QTMAN: variants seen among roughly 807,000 people sequenced by gnomAD.
QTMAN encodes the protein tRNA-queuosine alpha-mannosyltransferase.
the QTMAN span, among the ~76,000 whole-genome samples, chr2:144,008,008 T>C: frequency 6.6e-6 from 1 of 152,190 alleles, no homozygotes; most frequent in Non-Finnish European, 1.5e-5. Context: ...TTGTATTAAA[T>C]TGACTTGGCT....
chr2:144,003,988 G>A, the QTMAN span, among the ~76,000 whole-genome samples: 1 of 151,890 alleles, frequency 6.6e-6, no homozygotes, highest in African/African-American at 2.4e-5. Flanking sequence ...TGTTTTGTTA[G>A]GCAAGGTAAT....
At chr2:144,176,287 A>C in the QTMAN span, among the ~76,000 whole-genome samples, 1 of 152,192 alleles carries the variant, frequency 6.6e-6, no homozygotes, top group Non-Finnish European at 1.5e-5. Flanking sequence ...AAGGCATTTA[A>C]CCAAATGTAA....
At chr2:144,160,249 A>G in the QTMAN span, among the ~76,000 whole-genome samples, 1 of 152,176 alleles carries the variant, frequency 6.6e-6, no homozygotes, top group Non-Finnish European at 1.5e-5. Flanking sequence ...AACACTATTT[A>G]GTAAATCTTA....
At chr2:144,170,555 CT>C in the QTMAN span, among the ~76,000 whole-genome samples, 1 of 152,102 alleles carries the variant, frequency 6.6e-6, no homozygotes, top group Non-Finnish European at 1.5e-5. Flanking sequence ...CAAACCTTTA[CT>C]CCAAAGGGAG....
chr2:144,279,373 GA>G, the QTMAN span, among the ~76,000 whole-genome samples: 220 of 70,832 alleles, frequency 3.1e-3, 2 homozygotes, highest in Middle Eastern at 0.018. Flanking sequence ...CTCACCGCAA[GA>G]AAAAAAAAAA....
the QTMAN span, among the ~76,000 whole-genome samples, chr2:144,324,302 T>C: frequency 4.6e-5 from 7 of 152,226 alleles, no homozygotes; most frequent in Middle Eastern, 3.2e-3. Context: ...TTTTTACTAA[T>C]TTGATTACCT....
chr2:144,323,423 G>C, the QTMAN span, among the ~76,000 whole-genome samples: 1 of 152,150 alleles, frequency 6.6e-6, no homozygotes, highest in Non-Finnish European at 1.5e-5. Context: ...CAGCTGTGAA[G>C]AATACCATGA....
chr2:144,293,249 T>C, the QTMAN span, among the ~76,000 whole-genome samples: 4 of 152,134 alleles, frequency 2.6e-5, no homozygotes, highest in Middle Eastern at 6.3e-3. Context: ...AGTATACAGA[T>C]ACAAGCAAGG....
the QTMAN span, among the ~76,000 whole-genome samples, chr2:144,033,002 T>C: frequency 1.3e-5 from 2 of 152,138 alleles, no homozygotes; most frequent in South Asian, 2.1e-4. Flanking sequence ...GTAACTATTA[T>C]CCCATGGAAA....
chr2:143,995,478 A>T, the QTMAN span, among the ~76,000 whole-genome samples: 6 of 152,322 alleles, frequency 3.9e-5, no homozygotes, highest in African/African-American at 1.4e-4. Context: ...GAACTGTGCT[A>T]ACGCAATTAC....
chr2:144,015,898 T>C, the QTMAN span, among the ~76,000 whole-genome samples: 16 of 152,290 alleles, frequency 1.1e-4, no homozygotes, highest in South Asian at 1.2e-3. Flanking sequence ...ATCTGTAAAA[T>C]AGGATAGTAA....
At chr2:144,041,650 C>A in the QTMAN span, among the ~76,000 whole-genome samples, 4 of 152,138 alleles carry the variant, frequency 2.6e-5, no homozygotes, top group East Asian at 7.7e-4. Context: ...TAAAATGTGT[C>A]CTGTGACTTC....
the QTMAN span, among the ~76,000 whole-genome samples, chr2:144,148,393 G>T: frequency 2.6e-5 from 4 of 151,740 alleles, no homozygotes; most frequent in African/African-American, 9.7e-5. Context: ...TAGCTTCAGG[G>T]GATGGGGAGA....
chr2:144,060,258 AT>A, the QTMAN span, among the ~76,000 whole-genome samples: 197 of 148,158 alleles, frequency 1.3e-3, 2 homozygotes, highest in South Asian at 8.4e-3. Context: ...AAGCATCTTA[AT>A]TTTTTTTTTT....
chr2:144,004,649 G>A, the QTMAN span, among the ~76,000 whole-genome samples: 3 of 151,942 alleles, frequency 2.0e-5, no homozygotes, highest in Non-Finnish European at 4.4e-5. Context: ...GAAACTGATT[G>A]CTACCCCTGT....
the QTMAN span, among the ~76,000 whole-genome samples, chr2:143,986,294 T>C: frequency 1.9e-3 from 291 of 152,310 alleles, 3 homozygotes; most frequent in Non-Finnish European, 2.6e-3. Context: ...CTCAAAAAAA[T>C]ATATTCTTAC....
chr2:144,103,685 T>C, the QTMAN span, among the ~76,000 whole-genome samples: 3 of 152,344 alleles, frequency 2.0e-5, no homozygotes, highest in Admixed American at 6.5e-5. Context: ...GAAATGCTGA[T>C]ACTCAATTTG....
At chr2:144,120,222 C>T in the QTMAN span, among the ~76,000 whole-genome samples, 6 of 152,274 alleles carry the variant, frequency 3.9e-5, no homozygotes, top group East Asian at 1.9e-4. Flanking sequence ...TTCTTATGCA[C>T]GTCACCTTTT....
At chr2:143,950,493 A>G in the QTMAN span, among the ~76,000 whole-genome samples, 1 of 151,730 alleles carries the variant, frequency 6.6e-6, no homozygotes, top group Non-Finnish European at 1.5e-5. Flanking sequence ...ATGCAGAATA[A>G]CAGGGTTAAG....
Sources: allele counts gnomAD v4.1 joint callset (sites outside exome capture counted in the v4.1 genomes callset), GRCh38; gene constraint gnomAD v4.1.1; transcripts MANE v1.5; gene names NCBI Gene and HGNC (gene_info 2026-07-23, HGNC 2026-07-21).